LMBR1: variants seen among roughly 807,000 people sequenced by gnomAD.
LMBR1 encodes limb region 1 protein homolog.
In LMBR1, 52 loss-of-function variants were observed where a neutral mutation model predicts 73.9. That is an observed-to-expected ratio of 0.70 (90% CI 0.56 to 0.89). LMBR1 has a LOEUF of 0.89. LMBR1 is among the 40% of genes least tolerant of loss of function. LMBR1 has a pLI of 0.00. For synonymous variants in LMBR1, 215 were observed against 209.4 expected (o/e 1.03, Z -0.23); for missense variants, 539 against 579.8 (o/e 0.93, Z 0.72).
intron 10 of LMBR1, among the ~76,000 whole-genome samples, chr7:156,732,697 G>A (rs767223189): frequency 6.6e-6 from 1 of 152,158 alleles, no homozygotes; most frequent in Non-Finnish European, 1.5e-5. Context: ...TAGAATCTGT[G>A]GAAGGGTCTT....
intron 10 of LMBR1, among the ~76,000 whole-genome samples, chr7:156,732,326 C>A (rs995277799): frequency 2.6e-5 from 4 of 152,068 alleles, no homozygotes; most frequent in African/African-American, 4.8e-5. Context: ...AGTTTCCAGG[C>A]CGTGATGCAG....
At chr7:156,857,989 CAGA>C (rs1439798667) in intron 1 of LMBR1, among the ~76,000 whole-genome samples, 1 of 127,918 alleles carries the variant, frequency 7.8e-6, no homozygotes, top group Non-Finnish European at 1.6e-5. Flanking sequence ...TGCTACATTA[CAGA>C]AGAAGAAATA....
chr7:156,814,974 T>C (rs1469858421), intron 4 of LMBR1, among the ~76,000 whole-genome samples: 1 of 151,666 alleles, frequency 6.6e-6, no homozygotes, highest in East Asian at 1.9e-4. Flanking sequence ...CTGACCAATA[T>C]GGAAAAACCC....
chr7:156,738,649 A>G (rs1017999774), intron 9 of LMBR1, among the ~76,000 whole-genome samples: 9 of 152,172 alleles, frequency 5.9e-5, no homozygotes, highest in Non-Finnish European at 4.4e-5. Context: ...ACAATAGGGT[A>G]CTGGGCACAG....
chr7:156,757,340 C>T (rs534255066), intron 8 of LMBR1, among the ~76,000 whole-genome samples: 1 of 152,170 alleles, frequency 6.6e-6, no homozygotes, highest in Admixed American at 6.5e-5. Context: ...GTACTAAAAA[C>T]ACTCCATGAA....
At chr7:156,878,381 A>G (rs1394825949) in intron 1 of LMBR1, among the ~76,000 whole-genome samples, 3 of 152,212 alleles carry the variant, frequency 2.0e-5, no homozygotes, top group Non-Finnish European at 4.4e-5. Flanking sequence ...ATGTACACAA[A>G]TCAGTAGCTC....
chr7:156,853,251 T>C (rs1436131283), intron 1 of LMBR1, among the ~76,000 whole-genome samples: 1 of 152,150 alleles, frequency 6.6e-6, no homozygotes, highest in Admixed American at 6.5e-5. Context: ...TAATGCTTCA[T>C]TTTTTATTGT....
chr7:156,888,693 G>C (rs1292183030), intron 1 of LMBR1, among the ~76,000 whole-genome samples: 1 of 152,172 alleles, frequency 6.6e-6, no homozygotes, highest in Non-Finnish European at 1.5e-5. Flanking sequence ...CAGGGTGGGT[G>C]CATCACTTGA....
chr7:156,716,488 C>T (rs1813237209), intron 15 of LMBR1, among the ~76,000 whole-genome samples: 1 of 152,124 alleles, frequency 6.6e-6, no homozygotes, highest in African/African-American at 2.4e-5. Flanking sequence ...AGGAAAGAAC[C>T]TTATGTGCTA....
intron 4 of LMBR1, among the ~76,000 whole-genome samples, chr7:156,808,539 C>A (rs954153651): frequency 7.2e-5 from 11 of 152,074 alleles, no homozygotes; most frequent in African/African-American, 2.7e-4. Flanking sequence ...ATAATCTCTG[C>A]CTTTTAGTTG....
intron 1 of LMBR1, among the ~76,000 whole-genome samples, chr7:156,891,261 T>C (rs578011599): frequency 5.1e-4 from 65 of 126,304 alleles, no homozygotes; most frequent in East Asian, 1.7e-3. Flanking sequence ...CACACACACA[T>C]ATATACATAC....
chr7:156,848,507 T>C (rs1053158542), intron 1 of LMBR1, among the ~76,000 whole-genome samples: 10 of 152,240 alleles, frequency 6.6e-5, no homozygotes, highest in Middle Eastern at 3.4e-3. Context: ...GTGGCTATTA[T>C]TAAAAAGTCA....
At chr7:156,880,085 T>C (rs775159951) in intron 1 of LMBR1, among the ~76,000 whole-genome samples, 2 of 152,178 alleles carry the variant, frequency 1.3e-5, no homozygotes, top group Non-Finnish European at 2.9e-5. Context: ...GTTGCAAAAA[T>C]GTGGAACCAA....
chr7:156,750,371 T>C (rs988832045), intron 9 of LMBR1, among the ~76,000 whole-genome samples: 1 of 152,128 alleles, frequency 6.6e-6, no homozygotes, highest in African/African-American at 2.4e-5. Flanking sequence ...ATTAATGTAA[T>C]GGGACTTTCT....
intron 9 of LMBR1, among the ~76,000 whole-genome samples, chr7:156,742,726 A>G (rs1346130937): frequency 1.3e-5 from 2 of 152,208 alleles, no homozygotes; most frequent in Non-Finnish European, 2.9e-5. Context: ...TACTCTGAAA[A>G]ACAGAGGAGG....
chr7:156,672,513 A>G (rs1248418418), intron 4 of LMBR1, among the ~76,000 whole-genome samples: 1 of 152,208 alleles, frequency 6.6e-6, no homozygotes, highest in Admixed American at 6.5e-5. Context: ...TATGAGCTCT[A>G]TTTCCATCTA....
intron 2 of LMBR1, 88 bp from the exon 3 acceptor site, chr7:156,833,880 T>A: frequency 4.7e-6 from 4 of 848,044 alleles, no homozygotes; most frequent in Non-Finnish European, 5.5e-6. Flanking sequence ...CAATATAAAC[T>A]TAAAAGGCAA....
chr7:156,700,765 A>G (rs1222899050), intron 15 of LMBR1, among the ~76,000 whole-genome samples: 1 of 152,190 alleles, frequency 6.6e-6, no homozygotes. Flanking sequence ...ACCCAGTTCC[A>G]AAGTCGCTTC....
intron 5 of LMBR1, among the ~76,000 whole-genome samples, chr7:156,778,791 T>C (rs1826601735): frequency 6.6e-6 from 1 of 152,222 alleles, no homozygotes; most frequent in South Asian, 2.1e-4. Flanking sequence ...CCATTCTGAC[T>C]ACAAAGTAAT....
Sources: allele counts gnomAD v4.1 joint callset (sites outside exome capture counted in the v4.1 genomes callset), GRCh38; gene constraint gnomAD v4.1.1; transcripts MANE v1.5; gene names NCBI Gene and HGNC (gene_info 2026-07-23, HGNC 2026-07-21).